Variants in RASA3 observed in about 807,000 individuals in gnomAD.
The protein encoded by RASA3 is RAS p21 protein activator 3, also known as ras GTPase-activating protein 3.
Under a neutral mutation model 110.0 loss-of-function variants are expected in RASA3, and 73 were observed. The ratio of observed to expected loss-of-function variants is 0.66; its 90% CI spans 0.55 to 0.81. RASA3 has a LOEUF of 0.81. Among genes scored for constraint, RASA3 ranks in the 30% least tolerant of loss-of-function variants. The pLI is 0.00. For missense variants in RASA3, 976 were observed against 1,113.2 expected (o/e 0.88, Z 1.75); for synonymous variants, 500 against 451.4 (o/e 1.11, Z -1.37).
chr13:114,030,364 G>GCTCACACAGAGGGCAAGA (rs1177649721), intron 4 of RASA3, among the ~76,000 whole-genome samples: 3,721 of 135,422 alleles, frequency 0.027, 237 homozygotes, highest in South Asian at 0.043. Context: ...AGAGGGCAAG[G>GCTCACACAGAGGGCAAGA]CTCACACAGA....
chr13:114,037,314 G>A (rs1414259612), intron 4 of RASA3, among the ~76,000 whole-genome samples: 3 of 152,160 alleles, frequency 2.0e-5, no homozygotes, highest in African/African-American at 4.8e-5. Flanking sequence ...CACACGCTTC[G>A]CACCTCGGAC....
At chr13:114,062,323 G>A (rs1311101396) in intron 2 of RASA3, among the ~76,000 whole-genome samples, 1 of 151,902 alleles carries the variant, frequency 6.6e-6, no homozygotes. Context: ...TTGAGGGGGG[G>A]CTCGCATTGT....
At chr13:113,984,652 A>C in intron 22 of RASA3, among the ~76,000 whole-genome samples, 2 of 68,092 alleles carry the variant, frequency 2.9e-5, no homozygotes, top group Non-Finnish European at 6.6e-5. Flanking sequence ...ATCCACCATC[A>C]CTCACCCATC....
rs1388405376 is a variant in RASA3, at chr13:114,018,919, C to T, written c.786G>A (p.Trp262Ter). 6.2e-7 allele frequency: 1 copy of T among 1,613,402 alleles called. No homozygotes were observed. Among genetic ancestry groups the T allele is most frequent in the Non-Finnish European group, 8.5e-7 (1 of 1,179,958 alleles). ...CATTGTCCCGGGGCTGGAGGAAGTA[C>T]CTGGGTGGGAGGGACACATGGAGGG... ...VLRQSSSYEA[W>*]YFLQPRDNGS... Residue 262 changes from tryptophan to a stop codon, truncating the protein, a stop_gained and splice_region_variant, in exon 10 of 24, where the codon TGG becomes TGA. Coordinates refer to ENST00000334062, the MANE Select transcript of RASA3 (RefSeq NM_007368.4). LOFTEE classifies it high-confidence loss of function.
At position 114,011,203 on chromosome 13, in the gene RASA3, G is replaced by C. The variant is rs2053631317; in HGVS notation, c.1558C>G (p.Gln520Glu). Reference sequence around the variant, plus strand: ...GACTTGGACAGGCTGCCGAGGGTCTGAACGGTCTTGGAGATCAATGTCAGC... The same window carrying C: ...GACTTGGACAGGCTGCCGAGGGTCTCAACGGTCTTGGAGATCAATGTCAGC... ...RTLTLISKTV[Q>E]TLGSLSKSKS... Residue 520 changes from glutamine (Q) to glutamate (E), a missense_variant, in exon 16 of 24, where the codon CAG becomes GAG. Physicochemically the swap from Gln to Glu is conservative, Grantham distance 29 (BLOSUM62 2). Around this residue, in one of 4 missense-constraint regions of RASA3, gnomAD observed 732 missense variants for 779.7 expected, o/e 0.94. Coordinates refer to ENST00000334062, the MANE Select transcript of RASA3 (RefSeq NM_007368.4). The surrounding 1 kb of genome is among the most constrained non-coding windows in gnomAD (Gnocchi z 4.8). 2 of 1,612,966 alleles carry C rather than the reference G, an allele frequency of 1.2e-6. No individual in the cohort carries two copies. The highest frequency in any genetic ancestry group is 3.3e-5 in the Admixed American group (2 of 59,990).
At chr13:114,102,459 C>T (rs150990944) in intron 1 of RASA3, among the ~76,000 whole-genome samples, 6 of 152,234 alleles carry the variant, frequency 3.9e-5, no homozygotes, top group African/African-American at 1.4e-4. Flanking sequence ...GAACCAAGCT[C>T]AGGTCCCACC....
At chr13:113,995,188 G>C (rs1006870215) in intron 21 of RASA3, among the ~76,000 whole-genome samples, 4 of 152,246 alleles carry the variant, frequency 2.6e-5, no homozygotes, top group Non-Finnish European at 5.9e-5. Context: ...TTCCCTGCAC[G>C]GTCGGCTGCG....
Position 114,015,300 on chromosome 13 carries a change from G to C in RASA3, c.1314C>G (p.Phe438Leu). Residue 438 changes from phenylalanine (F) to leucine (L), a missense_variant, in exon 14 of 24, where the codon TTC becomes TTG. This residue lies in a region of RASA3 where 732 missense variants were observed against 779.7 expected (regional missense o/e 0.94). Transcript: ENST00000334062. ...TCACCCCAGACTCAGTGATGGCGTG[G>C]AAGACGCGGTCCACATACTGCCGTA... ...ENLRQYVDRVFHAITESGVSC... is the reference protein window; with the variant it reads ...ENLRQYVDRVLHAITESGVSC... 2 of 1,613,088 alleles carry C rather than the reference G, an allele frequency of 1.2e-6. No homozygotes were observed. The highest frequency in any genetic ancestry group is 1.7e-6 in the Non-Finnish European group (2 of 1,179,986).
chr13:114,016,161 G>A (rs769685180), intron 13 of RASA3, 36 bp downstream of exon 13: 17 of 1,524,992 alleles, frequency 1.1e-5, no homozygotes, highest in South Asian at 5.6e-5. Flanking sequence ...CCCCAAGCAG[G>A]TGACTGGCTT....
intron 1 of RASA3, among the ~76,000 whole-genome samples, chr13:114,092,337 A>G (rs947995621): frequency 6.6e-6 from 1 of 152,166 alleles, no homozygotes; most frequent in South Asian, 2.1e-4. Context: ...CTTTTGCTGT[A>G]TCCCATAGGT....
intron 1 of RASA3, among the ~76,000 whole-genome samples, chr13:114,094,519 G>A (rs1463959702): frequency 1.3e-5 from 2 of 152,154 alleles, no homozygotes; most frequent in Non-Finnish European, 2.9e-5. Context: ...GATGATGGCT[G>A]CACAGCATTG....
At chr13:114,029,786 G>A (rs376883643) in intron 5 of RASA3, 25 bp downstream of exon 5, 44 of 1,576,920 alleles carry the variant, frequency 2.8e-5, no homozygotes, top group Admixed American at 5.3e-5. Flanking sequence ...CTGTGCGCTC[G>A]GTCTCTAGTG....
chr13:114,095,181 C>T (rs2079927737), intron 1 of RASA3, among the ~76,000 whole-genome samples: 1 of 152,188 alleles, frequency 6.6e-6, no homozygotes, highest in Non-Finnish European at 1.5e-5. Context: ...AATGACTTGG[C>T]TACCTATCAT....
At chr13:114,088,286 T>G (rs2079846770) in intron 1 of RASA3, among the ~76,000 whole-genome samples, 2 of 152,236 alleles carry the variant, frequency 1.3e-5, no homozygotes, top group African/African-American at 4.8e-5. Flanking sequence ...GCTGTGTGAC[T>G]TATTTTCTAA....
intron 3 of RASA3, among the ~76,000 whole-genome samples, chr13:114,047,365 G>A (rs939368843): frequency 6.6e-6 from 1 of 152,204 alleles, no homozygotes; most frequent in Non-Finnish European, 1.5e-5. Context: ...ACCTATGGGA[G>A]TGCAAACGGT....
intron 1 of RASA3, among the ~76,000 whole-genome samples, chr13:114,103,898 G>GC (rs1302089946): frequency 1.9e-4 from 17 of 88,102 alleles, no homozygotes; most frequent in Non-Finnish European, 2.8e-4. Context: ...CGTCCACACT[G>GC]CCCCGGCCAC....
At chr13:114,081,391 C>T (rs773780007) in intron 1 of RASA3, among the ~76,000 whole-genome samples, 2 of 152,346 alleles carry the variant, frequency 1.3e-5, no homozygotes, top group Admixed American at 6.5e-5. Flanking sequence ...GCGCGGGGGC[C>T]GCATCACCCA....
intron 5 of RASA3, 134 bp from the exon 6 acceptor site, chr13:114,028,061 C>A (rs1462747435): frequency 2.9e-6 from 2 of 685,746 alleles, no homozygotes; most frequent in Admixed American, 5.7e-5. Context: ...GCAGGGAGGG[C>A]CACACCAGCC....
rs1003299845 is a variant in RASA3 at position 114,065,681 on chromosome 13, A to G, written c.173+8039T>C. ...GAATGGGGGTCCGCGGTCAGCTCAT[A>G]GCCCACCCGCCACCCAGCACTGCAG... On this transcript the variant is annotated intron_variant, in intron 2 of 23. Transcript: ENST00000334062. This position sits in a 1 kb window ranked among gnomAD's most constrained non-coding sequence, Gnocchi z 4.1. Among the ~76,000 whole-genome samples, 1 of 152,038 alleles carries G rather than the reference A, an allele frequency of 6.6e-6. No homozygotes were observed. Among genetic ancestry groups the G allele is most frequent in the African/African-American group, 2.4e-5 (1 of 41,388 alleles).
Sources: allele counts gnomAD v4.1 joint callset (sites outside exome capture counted in the v4.1 genomes callset), GRCh38; gene constraint gnomAD v4.1.1; regional missense constraint gnomAD v4.1.1; non-coding constraint Gnocchi (gnomAD v3.1); transcripts MANE v1.5; gene names NCBI Gene and HGNC (gene_info 2026-07-23, HGNC 2026-07-21).